MCUB: variants seen among roughly 807,000 people sequenced by gnomAD.
The protein encoded by MCUB is mitochondrial calcium uniporter dominant negative subunit beta, also known as calcium uniporter regulatory subunit MCUb, mitochondrial.
In MCUB, 46 loss-of-function variants were observed where a neutral mutation model predicts 41.4. That is an observed-to-expected ratio of 1.11 (90% CI 0.88 to 1.42). The LOEUF (loss-of-function observed/expected upper bound fraction) is 1.42, where lower values mean the gene tolerates loss of function less well. Ranked by LOEUF, MCUB falls within the 40% of genes most tolerant of loss-of-function variation. The probability of loss-of-function intolerance (pLI) is 0.00; values close to 1 mark genes in which losing one functional copy is unlikely to be tolerated. For synonymous variants in MCUB, 148 were observed against 148.2 expected (o/e 1.00, Z 0.01); for missense variants, 403 against 404.9 (o/e 1.00, Z 0.04).
At chr4:109,621,523 A>G (rs1728250189) in intron 1 of MCUB, among the ~76,000 whole-genome samples, 1 of 152,194 alleles carries the variant, frequency 6.6e-6, no homozygotes, top group Non-Finnish European at 1.5e-5. Context: ...ATGAATGCCA[A>G]ATGACACTTT....
Position 109,560,309 on chromosome 4 carries a change from T to TGCGGGAGCCGCGCGCCTGGG in MCUB, c.-21_-2dup. 1 of 1,172,930 alleles carries TGCGGGAGCCGCGCGCCTGGG rather than the reference T, an allele frequency of 8.5e-7. No homozygotes were observed. The highest frequency in any genetic ancestry group is 3.2e-5 in the East Asian group (1 of 30,788). 72.7% of individuals were successfully genotyped at this position (1,172,930 alleles called of 1,614,324 possible). A position where few individuals can be genotyped will look rare whatever the true frequency, so the allele number is the denominator to read the frequency against. On this transcript the variant is annotated 5_prime_UTR_variant, in exon 1 of 8. Transcript: ENST00000394650. The stretch of plus-strand genomic sequence containing the variant: ...TGAGGGAGGATGCGCCGCTGACGCC[T>TGCGGGAGCCGCGCGCCTGGG]GCGGGAGCCGCGCGCCTGGGGCGGG...
chr4:109,677,482 T>TG (rs1489031380), intron 4 of MCUB, among the ~76,000 whole-genome samples: 1 of 152,142 alleles, frequency 6.6e-6, no homozygotes, highest in Non-Finnish European at 1.5e-5. Flanking sequence ...CAGAATGCTA[T>TG]GGTTTGAATG....
intron 1 of MCUB, among the ~76,000 whole-genome samples, chr4:109,650,607 C>A (rs1285382045): frequency 6.6e-6 from 1 of 152,156 alleles, no homozygotes; most frequent in African/African-American, 2.4e-5. Context: ...GAATACATTG[C>A]AAACTTGATG....
At position 109,623,412 on chromosome 4, in the gene MCUB, A is replaced by G. The variant is rs146972834; in HGVS notation, c.100-35599A>G. Among the ~76,000 whole-genome samples, 1,122 of 152,330 alleles carry G rather than the reference A, an allele frequency of 7.4e-3. 25 individuals carry two copies. The highest frequency in any genetic ancestry group is 0.065 in the East Asian group (335 of 5,182). ...TTTATGGCAAGTCATAGGTGATTCC[A>G]GTGCTTCAAAAGGCATCATAATTTT... On this transcript the variant is annotated intron_variant, in intron 1 of 7. Transcript: ENST00000394650.
chr4:109,670,739 A>G (rs1232994462), intron 4 of MCUB, among the ~76,000 whole-genome samples: 1 of 151,884 alleles, frequency 6.6e-6, no homozygotes, highest in Admixed American at 6.6e-5. Context: ...AAAGAAAAAG[A>G]AAAAGAACAG....
intron 1 of MCUB, among the ~76,000 whole-genome samples, chr4:109,603,556 C>T (rs911225532): frequency 4.0e-5 from 6 of 151,624 alleles, no homozygotes; most frequent in African/African-American, 1.5e-4. Flanking sequence ...CCTGGCTGCC[C>T]ATCGTCTGGG....
intron 1 of MCUB, among the ~76,000 whole-genome samples, chr4:109,657,187 C>T (rs1469032753): frequency 1.4e-5 from 2 of 147,152 alleles, no homozygotes; most frequent in Non-Finnish European, 3.0e-5. Flanking sequence ...TCACTGCACT[C>T]CAGCCTGGGC....
intron 1 of MCUB, among the ~76,000 whole-genome samples, chr4:109,638,570 T>C (rs1402053104): frequency 1.3e-5 from 2 of 152,070 alleles, no homozygotes; most frequent in African/African-American, 4.8e-5. Flanking sequence ...TTGCTGAAGG[T>C]TGGAGTGGCT....
In MCUB at chr4:109,688,458, A is replaced by G. The variant is rs371368069; in HGVS notation, c.*866A>G. The G allele has an allele frequency of 6.6e-5, 10 of 152,366 alleles. No individual in the cohort carries two copies. In the East Asian group the frequency reaches 1.7e-3, roughly 26 times the overall value. The allele number at this position is 152,366 out of a possible 1,614,324, so 9.4% of individuals were successfully genotyped here. On this transcript the variant is annotated 3_prime_UTR_variant, in exon 8 of 8. Transcript: ENST00000394650. ...TTTTCTATTTCATCCTCAGAATGCC[A>G]TACAACAATTCTGGAATGCTGATTT...
intron 1 of MCUB, among the ~76,000 whole-genome samples, chr4:109,589,065 C>T (rs1727374497): frequency 6.6e-6 from 1 of 152,150 alleles, no homozygotes; most frequent in African/African-American, 2.4e-5. Flanking sequence ...ATATATTGTG[C>T]TTTTTGAAAT....
intron 1 of MCUB, among the ~76,000 whole-genome samples, chr4:109,602,136 G>T (rs977556160): frequency 6.6e-6 from 1 of 152,118 alleles, no homozygotes; most frequent in African/African-American, 2.4e-5. Flanking sequence ...CAGATGGGTA[G>T]TTTACAGATA....
At chr4:109,611,777 A>G (rs1341165211) in intron 1 of MCUB, among the ~76,000 whole-genome samples, 3 of 152,072 alleles carry the variant, frequency 2.0e-5, no homozygotes, top group Admixed American at 6.6e-5. Context: ...ATTTCTTTTT[A>G]TTGGTATGGT....
chr4:109,682,028 A>C (rs1480513708), intron 4 of MCUB, among the ~76,000 whole-genome samples: 1 of 152,022 alleles, frequency 6.6e-6, no homozygotes, highest in Non-Finnish European at 1.5e-5. Context: ...ATGATCGGCT[A>C]TTTCTTTACC....
chr4:109,634,961 C>T (rs980739120), intron 1 of MCUB, among the ~76,000 whole-genome samples: 1 of 151,324 alleles, frequency 6.6e-6, no homozygotes, highest in Non-Finnish European at 1.5e-5. Flanking sequence ...AGCCCCCCAA[C>T]CCCCTGATAG....
At chr4:109,671,206 C>T (rs1387778423) in intron 4 of MCUB, among the ~76,000 whole-genome samples, 4 of 152,112 alleles carry the variant, frequency 2.6e-5, no homozygotes, top group Non-Finnish European at 5.9e-5. Context: ...AACTGGAAGT[C>T]TTAACTTTTT....
chr4:109,584,208 T>C (rs1474276509), intron 1 of MCUB, among the ~76,000 whole-genome samples: 1 of 152,218 alleles, frequency 6.6e-6, no homozygotes, highest in Admixed American at 6.5e-5. Flanking sequence ...ATTTATCCAT[T>C]TCTTCTAGAT....
intron 3 of MCUB, among the ~76,000 whole-genome samples, chr4:109,663,920 C>T (rs1479432433): frequency 1.3e-5 from 2 of 151,106 alleles, no homozygotes; most frequent in Non-Finnish European, 2.9e-5. Flanking sequence ...CTACACTCCA[C>T]CCTACCCCCA....
At chr4:109,567,177 A>G (rs1726800235) in intron 1 of MCUB, among the ~76,000 whole-genome samples, 1 of 149,812 alleles carries the variant, frequency 6.7e-6, no homozygotes, top group Non-Finnish European at 1.5e-5. Flanking sequence ...AGGTGGTATT[A>G]TATTCAACTG....
chr4:109,669,678 T>G (rs1391796020), intron 4 of MCUB, among the ~76,000 whole-genome samples: 1 of 151,726 alleles, frequency 6.6e-6, no homozygotes, highest in Admixed American at 6.5e-5. Flanking sequence ...TGTCCTAAAG[T>G]TCTTAGATGT....
Sources: gnomAD v4.1 joint callset for allele counts (sites outside exome capture counted in the v4.1 genomes callset) on GRCh38, gnomAD v4.1.1 for gene constraint, MANE v1.5 for transcripts, NCBI Gene and HGNC (gene_info 2026-07-23, HGNC 2026-07-21) for gene names.